Variants in MCCC2 observed in about 807,000 individuals in gnomAD.
MCCC2 encodes the protein methylcrotonyl-CoA carboxylase subunit 2.
Under a neutral mutation model 77.2 loss-of-function variants are expected in MCCC2, and 52 were observed. That is an observed-to-expected ratio of 0.67 (90% CI 0.54 to 0.85). The LOEUF (loss-of-function observed/expected upper bound fraction) is 0.85. Among genes scored for constraint, MCCC2 ranks in the 40% least tolerant of loss-of-function variants. MCCC2 has a pLI of 0.00. For missense variants in MCCC2, 682 were observed against 703.2 expected, an observed-to-expected ratio of 0.97 and a Z score of 0.34; for synonymous variants, 253 against 248.4, an observed-to-expected ratio of 1.02 and a Z score of -0.18.
intron 6 of MCCC2, among the ~76,000 whole-genome samples, chr5:71,626,069 A>G (rs919390190): frequency 1.3e-5 from 2 of 152,180 alleles, no homozygotes; most frequent in African/African-American, 4.8e-5. Flanking sequence ...ACAAAACTAG[A>G]GAAGATAGTA....
intron 15 of MCCC2, 73 bp downstream of exon 15, chr5:71,650,256 G>A (rs1561848403): frequency 1.0e-5 from 13 of 1,281,778 alleles, no homozygotes; most frequent in Admixed American, 1.7e-5. Flanking sequence ...AAGGAGCAGC[G>A]TGCCTGGAAG....
chr5:71,654,047 G>A (rs1300166947), intron 16 of MCCC2, among the ~76,000 whole-genome samples: 1 of 152,102 alleles, frequency 6.6e-6, no homozygotes, highest in Non-Finnish European at 1.5e-5. Context: ...GCCCAGTTTG[G>A]AGTGCAGTGA....
chr5:71,592,838 GTTT>G (rs371137817), intron 1 of MCCC2, 85 bp from the exon 2 acceptor site: 943 of 817,110 alleles, frequency 1.2e-3, no homozygotes, highest in Non-Finnish European at 1.3e-3. Context: ...ACAGACCACT[GTTT>G]TTTTTTTTTT....
intron 2 of MCCC2, 47 bp from the exon 3 acceptor site, chr5:71,596,233 T>G: frequency 6.5e-7 from 1 of 1,546,970 alleles, no homozygotes; most frequent in African/African-American, 1.4e-5. Context: ...CATTGAGACC[T>G]TTTTATCGTG....
chr5:71,643,627 C>A, intron 11 of MCCC2, 192 bp from the exon 12 acceptor site: 2 of 1,027,780 alleles, frequency 1.9e-6, no homozygotes, highest in Non-Finnish European at 2.8e-6. Context: ...TTTCTAGAAG[C>A]AAAAGAAACC....
At chr5:71,624,152 A>C (rs1326746259) in intron 6 of MCCC2, among the ~76,000 whole-genome samples, 1 of 152,138 alleles carries the variant, frequency 6.6e-6, no homozygotes, top group African/African-American at 2.4e-5. Context: ...TCTCTTCCTT[A>C]TAAGGGCACT....
Position 71,658,164 on chromosome 5 carries a change from A to G in MCCC2, c.*1304A>G, listed in dbSNP as rs1439062190. On this transcript the variant is annotated 3_prime_UTR_variant, in exon 17 of 17. Coordinates refer to ENST00000340941, the MANE Select transcript of MCCC2 (RefSeq NM_022132.5). ...ATCCCTGAATGCCACCAAGATCTTA[A>G]TCTTCACATCTTTAATCTTATCTCT... 6.6e-6 allele frequency: 1 copy of G among 152,098 alleles called. No individual in the cohort carries two copies. Among genetic ancestry groups the G allele is most frequent in the African/African-American group, 2.4e-5 (1 of 41,398 alleles). The allele number at this position is 152,098 out of a possible 1,614,324, so 9.4% of individuals were successfully genotyped here. A position where few individuals can be genotyped will look rare whatever the true frequency, so the allele number is the denominator to read the frequency against.
chr5:71,641,342 T>C lies in MCCC2; in HGVS notation c.1072+267T>C, dbSNP rs147562697. 253 of 420,704 alleles carry C rather than the reference T, an allele frequency of 6.0e-4. 1 individual carries two copies. The highest frequency in any genetic ancestry group is 4.8e-3 in the African/African-American group (237 of 49,262). The allele number at this position is 420,704 out of a possible 1,614,324, so 26.1% of individuals were successfully genotyped here. On this transcript the variant is annotated intron_variant, in intron 11 of 16. Transcript: ENST00000340941. ...TTGTGACATTAGTTGTATAAAAAGG[T>C]TCTTATAGTAAAATTAGTAGAAAAT...
Position 71,626,712 on chromosome 5 carries a change from G to A in MCCC2, c.697G>A (p.Val233Ile), listed in dbSNP as rs1423730294. The change falls in exon 7 of 17, where the codon GTA becomes ATA. Residue 233 changes from valine to isoleucine, a missense_variant. Val to Ile is a conservative substitution (Grantham distance 29, BLOSUM62 3). Transcript: ENST00000340941. ...TGCCATGGCTGATGAAAACATCATT[G>A]TACGCAAGCAGGGTACCATTTTCTT... ...VPAMADENII[V>I]RKQGTIFLAG... 1.2e-6 allele frequency: 2 copies of A among 1,614,136 alleles called. No individual in the cohort carries two copies. Among genetic ancestry groups the A allele is most frequent in the South Asian group, 1.1e-5 (1 of 91,086 alleles).
rs750453585 is a variant in MCCC2, at chr5:71,650,137, T to A, written c.1442T>A (p.Val481Glu). 31 of 1,614,216 alleles carry A rather than the reference T, an allele frequency of 1.9e-5. No homozygotes were observed. Among genetic ancestry groups the A allele is most frequent in the Non-Finnish European group, 2.6e-5 (31 of 1,180,036 alleles). Residue 481 changes from valine (V) to glutamate (E), a missense_variant, in exon 15 of 17, where the codon GTG becomes GAG. By Grantham distance (121) the Val-to-Glu change is moderately radical. Transcript: ENST00000340941. ...SVMGGEQAAN[V>E]LATITKDQRA... ...ATGGGAGGAGAGCAGGCAGCCAATG[T>A]GTTGGCCACGATAACAAAGGACCAA...
rs1278171074 is a variant in MCCC2, at chr5:71,656,910, G to A, written c.*50G>A. On this transcript the variant is annotated 3_prime_UTR_variant, in exon 17 of 17. Coordinates refer to ENST00000340941, the MANE Select transcript of MCCC2 (RefSeq NM_022132.5). Reference sequence around the variant, plus strand: ...GGACATGTACTGAAAATTAACACATGTAGTAGCCTTAAAATTTTAGACTTC... The same window carrying A: ...GGACATGTACTGAAAATTAACACATATAGTAGCCTTAAAATTTTAGACTTC... 7.1e-7 allele frequency: 1 copy of A among 1,403,950 alleles called. No individual in the cohort carries two copies. The allele number at this position is 1,403,950 out of a possible 1,614,324, so 87.0% of individuals were successfully genotyped here. A position where few individuals can be genotyped will look rare whatever the true frequency, so the allele number is the denominator to read the frequency against.
chr5:71,602,779 C>A, intron 5 of MCCC2, 146 bp downstream of exon 5: 2 of 1,208,104 alleles, frequency 1.7e-6, no homozygotes, highest in Non-Finnish European at 2.4e-6. Flanking sequence ...AGGTTCTTTG[C>A]TGAAAACTCT....
chr5:71,649,011 A>G lies in MCCC2; in HGVS notation c.1217-86A>G. On this transcript the variant is annotated intron_variant, in intron 13 of 16. Coordinates refer to ENST00000340941, the MANE Select transcript of MCCC2 (RefSeq NM_022132.5). Reference sequence around the variant, plus strand: ...GAGAGGCATTTAGTAAGATGAGTTTAGTAAAACAAGATGTCCTTTTGGTGG... The same window carrying G: ...GAGAGGCATTTAGTAAGATGAGTTTGGTAAAACAAGATGTCCTTTTGGTGG... 4 of 1,456,646 alleles carry G rather than the reference A, an allele frequency of 2.7e-6. No individual in the cohort carries two copies. The South Asian group carries it at 4.6e-5, about 17-fold the overall frequency. The allele number at this position is 1,456,646 out of a possible 1,614,324, so 90.2% of individuals were successfully genotyped here. A position where few individuals can be genotyped will look rare whatever the true frequency, so the allele number is the denominator to read the frequency against.
chr5:71,610,048 G>A (rs1394476485), intron 6 of MCCC2, among the ~76,000 whole-genome samples: 2 of 152,228 alleles, frequency 1.3e-5, no homozygotes, highest in African/African-American at 4.8e-5. Flanking sequence ...CCCCAGAGGG[G>A]AGCCTACAGA....
intron 3 of MCCC2, among the ~76,000 whole-genome samples, chr5:71,597,788 A>T (rs1745246913): frequency 6.6e-6 from 1 of 152,230 alleles, no homozygotes; most frequent in Non-Finnish European, 1.5e-5. Flanking sequence ...TTTTTTAAAA[A>T]TGCAAATGAA....
chr5:71,589,911 G>C (rs1393283469), intron 1 of MCCC2, among the ~76,000 whole-genome samples: 1 of 152,150 alleles, frequency 6.6e-6, no homozygotes, highest in Non-Finnish European at 1.5e-5. Flanking sequence ...CTTGAGTCCA[G>C]GGTCTTAACT....
chr5:71,641,171 T>G (rs758420140), intron 11 of MCCC2, 96 bp downstream of exon 11: 10 of 1,136,736 alleles, frequency 8.8e-6, no homozygotes, highest in Non-Finnish European at 1.3e-5. Context: ...GACATGGGCT[T>G]TGTTGTTGAG....
intron 14 of MCCC2, 93 bp from the exon 15 acceptor site, chr5:71,649,976 C>A: frequency 1.1e-6 from 1 of 922,186 alleles, no homozygotes. Flanking sequence ...CAGCCAGAAT[C>A]AGGAACCACT....
intron 6 of MCCC2, among the ~76,000 whole-genome samples, chr5:71,626,067 A>G (rs1342662154): frequency 1.3e-5 from 2 of 152,212 alleles, no homozygotes; most frequent in African/African-American, 4.8e-5. Flanking sequence ...ACACAAAACT[A>G]GAGAAGATAG....
Sources: allele counts gnomAD v4.1 joint callset (sites outside exome capture counted in the v4.1 genomes callset), GRCh38; gene constraint gnomAD v4.1.1; transcripts MANE v1.5; gene names NCBI Gene and HGNC (gene_info 2026-07-23, HGNC 2026-07-21).